Variants in CDH13 observed in about 807,000 individuals in gnomAD.
The protein encoded by CDH13 is cadherin 13.
In CDH13, 24 loss-of-function variants were observed where a neutral mutation model predicts 63.8. The observed-to-expected ratio is 0.38, with a 90% CI of 0.27 to 0.53. The LOEUF is 0.53. Ranked by LOEUF, CDH13 falls within the 20% of genes least tolerant of loss-of-function variation. The pLI, the probability that CDH13 is intolerant of heterozygous loss-of-function variation, is 0.85. For missense variants in CDH13, 1,049 were observed against 903.1 expected (o/e 1.16, Z -2.07); for synonymous variants, 503 against 355.3 (o/e 1.42, Z -4.67).
chr16:83,112,778 G>T (rs773925138), intron 3 of CDH13, among the ~76,000 whole-genome samples: 15 of 152,106 alleles, frequency 9.9e-5, no homozygotes, highest in Non-Finnish European at 1.8e-4. Flanking sequence ...TTTTTCTTTA[G>T]CATCGAGGTA....
intron 9 of CDH13, among the ~76,000 whole-genome samples, chr16:83,671,881 G>T (rs954139481): frequency 1.3e-5 from 2 of 152,222 alleles, no homozygotes; most frequent in Non-Finnish European, 2.9e-5. Context: ...AGCACAGAAG[G>T]CTTGCTACAG....
At chr16:83,260,391 GAAT>G (rs2151835028) in intron 5 of CDH13, among the ~76,000 whole-genome samples, 2 of 152,248 alleles carry the variant, frequency 1.3e-5, no homozygotes, top group Admixed American at 6.6e-5. Flanking sequence ...GTTCTGGAAA[GAAT>G]TAAATTTTTT....
At chr16:83,097,449 G>T (rs1193750506) in intron 3 of CDH13, among the ~76,000 whole-genome samples, 3 of 152,134 alleles carry the variant, frequency 2.0e-5, no homozygotes, top group African/African-American at 7.2e-5. Context: ...CAGAATCAGT[G>T]TGCATATGAT....
At chr16:82,733,730 C>G (rs2033522792) in intron 1 of CDH13, among the ~76,000 whole-genome samples, 1 of 152,214 alleles carries the variant, frequency 6.6e-6, no homozygotes, top group African/African-American at 2.4e-5. Context: ...AAGCACCAAA[C>G]TCTACCAGGA....
intron 2 of CDH13, among the ~76,000 whole-genome samples, chr16:82,992,455 C>T (rs180895372): frequency 2.6e-5 from 4 of 152,252 alleles, no homozygotes; most frequent in African/African-American, 7.2e-5. Flanking sequence ...TTGGGCTCTA[C>T]GTGCAGAGAG....
intron 7 of CDH13, among the ~76,000 whole-genome samples, chr16:83,529,720 C>A (rs757820133): frequency 1.3e-5 from 2 of 151,834 alleles, no homozygotes; most frequent in Non-Finnish European, 2.9e-5. Context: ...GAAAATTATG[C>A]ATAACAGAAT....
chr16:82,933,869 G>A (rs1024385524), intron 2 of CDH13, among the ~76,000 whole-genome samples: 3 of 152,342 alleles, frequency 2.0e-5, no homozygotes, highest in African/African-American at 7.2e-5. Flanking sequence ...AGGTCACATT[G>A]ATGCAGGAAG....
chr16:83,211,332 A>G (rs1222261615), intron 4 of CDH13, among the ~76,000 whole-genome samples: 2 of 152,280 alleles, frequency 1.3e-5, no homozygotes, highest in East Asian at 3.9e-4. Flanking sequence ...GTATCTTTGT[A>G]ATAGTTCTGT....
intron 5 of CDH13, among the ~76,000 whole-genome samples, chr16:83,319,681 C>G (rs1394002405): frequency 2.0e-5 from 3 of 152,096 alleles, no homozygotes; most frequent in Non-Finnish European, 4.4e-5. Context: ...ATCATGTCAT[C>G]TATGCAAAGT....
chr16:83,096,543 C>T (rs746901890), intron 3 of CDH13, among the ~76,000 whole-genome samples: 2 of 152,172 alleles, frequency 1.3e-5, no homozygotes, highest in Non-Finnish European at 2.9e-5. Flanking sequence ...TATTTTATTG[C>T]CACCACGACT....
At chr16:83,375,180 C>G (rs1484958389) in intron 6 of CDH13, among the ~76,000 whole-genome samples, 1 of 152,204 alleles carries the variant, frequency 6.6e-6, no homozygotes, top group African/African-American at 2.4e-5. Flanking sequence ...ATGCAATGAG[C>G]TAGGCAAAGC....
At chr16:82,997,029 ATGG>A (rs1391693601) in intron 2 of CDH13, among the ~76,000 whole-genome samples, 4 of 142,868 alleles carry the variant, frequency 2.8e-5, no homozygotes, top group East Asian at 2.1e-4. Context: ...GATGATGGTG[ATGG>A]TGGTGATGAT....
At chr16:83,060,531 A>T (rs991155171) in intron 3 of CDH13, among the ~76,000 whole-genome samples, 1 of 152,156 alleles carries the variant, frequency 6.6e-6, no homozygotes, top group Non-Finnish European at 1.5e-5. Context: ...ATATTGCCTA[A>T]TTCATAAAGA....
chr16:83,490,048 C>CACACACACACACACACACAG (rs530046272), intron 7 of CDH13, among the ~76,000 whole-genome samples: 1 of 150,158 alleles, frequency 6.7e-6, no homozygotes, highest in South Asian at 2.1e-4. Context: ...CACACACACA[C>CACACACACACACACACACAG]AGCTCACCAG....
chr16:82,765,972 G>T (rs931584304), intron 1 of CDH13, among the ~76,000 whole-genome samples: 1 of 152,144 alleles, frequency 6.6e-6, no homozygotes, highest in Non-Finnish European at 1.5e-5. Flanking sequence ...CAGAATGCAC[G>T]TCTATGCTAC....
chr16:83,705,724 C>A (rs985321487), intron 10 of CDH13, among the ~76,000 whole-genome samples: 2 of 152,200 alleles, frequency 1.3e-5, no homozygotes, highest in Non-Finnish European at 2.9e-5. Flanking sequence ...TCATTTCATC[C>A]TTCAAACAAC....
At chr16:83,703,419 C>T (rs573811226) in intron 10 of CDH13, among the ~76,000 whole-genome samples, 2 of 152,280 alleles carry the variant, frequency 1.3e-5, no homozygotes, top group East Asian at 3.9e-4. Flanking sequence ...AAATATATTA[C>T]AGAGTTGCCA....
chr16:82,854,385 A>C (rs2039607688), intron 1 of CDH13, among the ~76,000 whole-genome samples: 1 of 138,872 alleles, frequency 7.2e-6, no homozygotes, highest in Non-Finnish European at 1.5e-5. Flanking sequence ...TGGGTGACAG[A>C]GCAAGGCTCT....
intron 10 of CDH13, among the ~76,000 whole-genome samples, chr16:83,709,496 C>G (rs768456207): frequency 6.6e-6 from 1 of 152,208 alleles, no homozygotes; most frequent in Non-Finnish European, 1.5e-5. Context: ...GAAACACGGC[C>G]TCTGCACAGG....
Sources: allele counts gnomAD v4.1 joint callset (sites outside exome capture counted in the v4.1 genomes callset), GRCh38; gene constraint gnomAD v4.1.1; transcripts MANE v1.5; gene names NCBI Gene and HGNC (gene_info 2026-07-23, HGNC 2026-07-21).